The following POU4F2 variants were observed in gnomAD, a reference collection of about 807,000 sequenced individuals.
POU4F2 encodes the protein POU domain, class 4, transcription factor 2.
Under a neutral mutation model 21.5 loss-of-function variants are expected in POU4F2, and 10 were observed. The observed-to-expected ratio is 0.46, with a 90% CI of 0.29 to 0.79. The LOEUF is 0.79. POU4F2 is among the 30% of genes least tolerant of loss of function. The pLI is 0.10. For missense variants in POU4F2, 623 were observed against 603.3 expected, an observed-to-expected ratio of 1.03 and a Z score of -0.34; for synonymous variants, 324 against 271.1, an observed-to-expected ratio of 1.20 and a Z score of -1.92.
At position 146,640,618 on chromosome 4, in the gene POU4F2, G is replaced by C; in HGVS notation, c.1040G>C (p.Arg347Pro). The change falls in exon 2 of 2, where the codon CGC (arginine) becomes CCC (proline). Residue 347 changes from arginine (R) to proline (P), a missense_variant. This residue lies in a region of POU4F2 where 523 missense variants were observed against 504.1 expected (regional missense o/e 1.04). Coordinates refer to ENST00000281321, the MANE Select transcript of POU4F2 (RefSeq NM_004575.3). This position sits in a 1 kb window ranked among gnomAD's most constrained non-coding sequence, Gnocchi z 4.8. Reference protein sequence around the residue: ...PELFNGAEKKRKRTSIAAPEK... With the variant: ...PELFNGAEKKPKRTSIAAPEK... ...CTCTTCAATGGCGCGGAGAAGAAGCGCAAGCGCACGTCCATCGCTGCGCCA... is the reference window on the plus strand; with the variant it reads ...CTCTTCAATGGCGCGGAGAAGAAGCCCAAGCGCACGTCCATCGCTGCGCCA... 2 of 1,614,218 alleles carry C rather than the reference G, an allele frequency of 1.2e-6. No individual in the cohort carries two copies. Among genetic ancestry groups the C allele is most frequent in the Non-Finnish European group, 1.7e-6 (2 of 1,180,022 alleles).
chr4:146,641,010 T>G lies in POU4F2; in HGVS notation c.*202T>G. ...TGAAACAGTTTCTCAAAGGAAAGAA[T>G]AACAAAAGATGGTATTTGTCTGTTG... is the stretch of plus-strand genomic sequence containing the variant. On this transcript the variant is annotated 3_prime_UTR_variant, in exon 2 of 2. Transcript: ENST00000281321. 1 of 559,520 alleles carries G rather than the reference T, an allele frequency of 1.8e-6. No individual in the cohort carries two copies. The highest frequency in any genetic ancestry group is 2.9e-6 in the Non-Finnish European group (1 of 339,460). The allele number at this position is 559,520 out of a possible 1,614,324, so 34.7% of individuals were successfully genotyped here. A position where few individuals can be genotyped will look rare whatever the true frequency, so the allele number is the denominator to read the frequency against.
chr4:146,640,745 G>T lies in POU4F2; in HGVS notation c.1167G>T (p.Val389=). The part of the protein sequence containing the change: ...AEKLDLKKNV[V]RVWFCNQRQK... ...AGCTGGACCTGAAGAAAAACGTGGT[G>T]CGCGTCTGGTTCTGCAACCAGAGGC... The change falls in exon 2 of 2, where the codon GTG becomes GTT. Residue 389 remains valine (V), a synonymous_variant. Transcript: ENST00000281321. This position sits in a 1 kb window ranked among gnomAD's most constrained non-coding sequence, Gnocchi z 4.8. 1 of 1,613,678 alleles carries T rather than the reference G, an allele frequency of 6.2e-7. No homozygotes were observed.
rs1428860674 is a variant in POU4F2, at chr4:146,640,817, T to C, written c.*9T>C. 1.3e-6 allele frequency: 2 copies of C among 1,587,774 alleles called. No individual in the cohort carries two copies. Among genetic ancestry groups the C allele is most frequent in the African/African-American group, 2.7e-5 (2 of 73,716 alleles). On this transcript the variant is annotated 3_prime_UTR_variant, in exon 2 of 2. Coordinates refer to ENST00000281321, the MANE Select transcript of POU4F2 (RefSeq NM_004575.3). The surrounding 1 kb of genome is among the most constrained non-coding windows in gnomAD (Gnocchi z 4.8). ...ATTCCGCCGGCATTTAGAAGACTCT[T>C]GGCCTCTCCAGAGACGCCCCTTTCC...
chr4:146,640,106 T>TCAC lies in POU4F2; in HGVS notation c.546_548dup (p.His182dup), dbSNP rs746997301. The TCAC allele has an allele frequency of 5.5e-5, 88 of 1,599,240 alleles. No individual in the cohort carries two copies. The highest frequency in any genetic ancestry group is 2.4e-4 in the African/African-American group (18 of 74,800). On this transcript the variant is annotated inframe_insertion, in exon 2 of 2. Coordinates refer to ENST00000281321, the MANE Select transcript of POU4F2 (RefSeq NM_004575.3). The surrounding 1 kb of genome is among the most constrained non-coding windows in gnomAD (Gnocchi z 4.8). ...CGGGCACGCACCACCACCACCACCA[T>TCAC]CACCACCACCACCACCACCAACCGC...
In POU4F2 at chr4:146,641,008, A is replaced by T; in HGVS notation, c.*200A>T. 2 of 570,374 alleles carry T rather than the reference A, an allele frequency of 3.5e-6. No homozygotes were observed. The highest frequency in any genetic ancestry group is 7.5e-5 in the Admixed American group (2 of 26,532). 35.3% of individuals were successfully genotyped at this position (570,374 alleles called of 1,614,324 possible). A position where few individuals can be genotyped will look rare whatever the true frequency, so the allele number is the denominator to read the frequency against. ...TGTGAAACAGTTTCTCAAAGGAAAG[A>T]ATAACAAAAGATGGTATTTGTCTGT... On this transcript the variant is annotated 3_prime_UTR_variant, in exon 2 of 2. Transcript: ENST00000281321.
At position 146,640,293 on chromosome 4, in the gene POU4F2, C is replaced by T; in HGVS notation, c.715C>T (p.His239Tyr). 1.3e-6 allele frequency: 2 copies of T among 1,563,236 alleles called. No individual in the cohort carries two copies. Among genetic ancestry groups the T allele is most frequent in the South Asian group, 1.2e-5 (1 of 82,992 alleles). The change falls in exon 2 of 2, where the codon CAC (histidine) becomes TAC (tyrosine). Residue 239 changes from histidine to tyrosine, a missense_variant. His to Tyr is a moderately conservative substitution (Grantham distance 83). Transcript: ENST00000281321. The surrounding 1 kb of genome is among the most constrained non-coding windows in gnomAD (Gnocchi z 4.8). ...HQAALSMAHAHGLPSHMGCMS... is the reference protein window; with the variant it reads ...HQAALSMAHAYGLPSHMGCMS... ...AGCAGCGCTCAGCATGGCCCACGCG[C>T]ACGGGCTGCCGTCGCACATGGGCTG...
At position 146,639,226 on chromosome 4, in the gene POU4F2, T is replaced by C. The variant is rs978886303; in HGVS notation, c.86T>C (p.Leu29Pro). The C allele has an allele frequency of 1.3e-6, 2 of 1,597,310 alleles. No individual in the cohort carries two copies. Among genetic ancestry groups the C allele is most frequent in the Non-Finnish European group, 8.5e-7 (1 of 1,173,636 alleles). Residue 29 changes from leucine (L) to proline (P), a missense_variant, in exon 1 of 2, where the codon CTG becomes CCG. Leu to Pro is a moderately conservative substitution (Grantham distance 98). Transcript: ENST00000281321. ...SLHVEPKYSA[L>P]HSTSPGSSAP... ...CACGTGGAGCCCAAGTACTCGGCACTGCACAGCACCTCGCCGGGCTCCTCG... is the reference window on the plus strand; with the variant it reads ...CACGTGGAGCCCAAGTACTCGGCACCGCACAGCACCTCGCCGGGCTCCTCG...
In POU4F2 at chr4:146,639,221, G is replaced by A; in HGVS notation, c.81G>A (p.Ser27=). ...GCCTGCACGTGGAGCCCAAGTACTC[G>A]GCACTGCACAGCACCTCGCCGGGCT... ...GGSLHVEPKY[S]ALHSTSPGSS... Residue 27 remains serine (S), a synonymous_variant, in exon 1 of 2, where the codon TCG becomes TCA. Coordinates refer to ENST00000281321, the MANE Select transcript of POU4F2 (RefSeq NM_004575.3). 1 of 1,603,426 alleles carries A rather than the reference G, an allele frequency of 6.2e-7. No individual in the cohort carries two copies. Among genetic ancestry groups the A allele is most frequent in the Non-Finnish European group, 8.5e-7 (1 of 1,176,028 alleles).
rs1340111855 is a variant in POU4F2 at position 146,640,763 on chromosome 4, C to T, written c.1185C>T (p.Asn395=). The part of the protein sequence containing the change: ...KKNVVRVWFC[N]QRQKQKRMKY... ...ACGTGGTGCGCGTCTGGTTCTGCAA[C>T]CAGAGGCAGAAACAGAAAAGAATGA... The change falls in exon 2 of 2, where the codon AAC becomes AAT. Residue 395 remains asparagine (N), a synonymous_variant. Transcript: ENST00000281321. This position sits in a 1 kb window ranked among gnomAD's most constrained non-coding sequence, Gnocchi z 4.8. 1 of 1,612,986 alleles carries T rather than the reference C, an allele frequency of 6.2e-7. No homozygotes were observed. Among genetic ancestry groups the T allele is most frequent in the East Asian group, 2.2e-5 (1 of 44,868 alleles).
At position 146,639,131 on chromosome 4, in the gene POU4F2, G is replaced by C; in HGVS notation, c.-10G>C. ...TGCCTCTACGGACCAGCGCCCCGGC[G>C]GGCGGGAAGATGATGATGATGTCCC... On this transcript the variant is annotated 5_prime_UTR_variant, in exon 1 of 2. Transcript: ENST00000281321. 1.9e-6 allele frequency: 3 copies of C among 1,601,362 alleles called. No homozygotes were observed. The highest frequency in any genetic ancestry group is 3.3e-4 in the Middle Eastern group (2 of 6,016).
At position 146,640,374 on chromosome 4, in the gene POU4F2, A is replaced by C. The variant is rs1435212739; in HGVS notation, c.796A>C (p.Lys266Gln). Residue 266 changes from lysine (K) to glutamine (Q), a missense_variant, in exon 2 of 2, where the codon AAG becomes CAG. Around this residue, in one of 3 missense-constraint regions of POU4F2, gnomAD observed 523 missense variants for 504.1 expected, o/e 1.04. Coordinates refer to ENST00000281321, the MANE Select transcript of POU4F2 (RefSeq NM_004575.3). This position sits in a 1 kb window ranked among gnomAD's most constrained non-coding sequence, Gnocchi z 4.8. Reference sequence around the variant, plus strand: ...CCTGGAGGCATTCGCCGAGCGCTTCAAGCAGCGACGCATCAAGCTGGGGGT... The same window carrying C: ...CCTGGAGGCATTCGCCGAGCGCTTCCAGCAGCGACGCATCAAGCTGGGGGT... Reference protein sequence around the residue: ...RDLEAFAERFKQRRIKLGVTQ... With the variant: ...RDLEAFAERFQQRRIKLGVTQ... The C allele has an allele frequency of 1.2e-6, 2 of 1,602,526 alleles. No homozygotes were observed. The highest frequency in any genetic ancestry group is 1.7e-6 in the Non-Finnish European group (2 of 1,176,574).
chr4:146,639,329 CGGCGGCGGCGGA>C lies in POU4F2; in HGVS notation c.193_204del (p.Gly65_Gly68del). The C allele has an allele frequency of 2.1e-6, 3 of 1,452,632 alleles. No homozygotes were observed. Among genetic ancestry groups the C allele is most frequent in the Middle Eastern group, 1.8e-4 (1 of 5,546 alleles). The allele number at this position is 1,452,632 out of a possible 1,614,324, so 90.0% of individuals were successfully genotyped here. On this transcript the variant is annotated inframe_deletion, in exon 1 of 2. Transcript: ENST00000281321. Reference sequence around the variant, plus strand: ...GTGGCGGCGGCGGCGGCGGCGGCGGCGGCGGCGGCGGAGGCCGAAGCAGCAGCTCCAGCAGCA... The same window carrying C: ...GTGGCGGCGGCGGCGGCGGCGGCGGCGGCCGAAGCAGCAGCTCCAGCAGCA...
In POU4F2 at chr4:146,641,884, T is replaced by G. The variant is rs1172364038; in HGVS notation, c.*1076T>G. On this transcript the variant is annotated 3_prime_UTR_variant, in exon 2 of 2. Transcript: ENST00000281321. ...ACACACACACACACACACACACACC[T>G]CTAACAGAAGGGAAGAAGCAGTTGG... 7.2e-6 allele frequency: 1 copy of G among 139,012 alleles called. No individual in the cohort carries two copies. Among genetic ancestry groups the G allele is most frequent in the South Asian group, 2.3e-4 (1 of 4,350 alleles). The allele number at this position is 139,012 out of a possible 1,614,324, so 8.6% of individuals were successfully genotyped here. A position where few individuals can be genotyped will look rare whatever the true frequency, so the allele number is the denominator to read the frequency against.
chr4:146,640,496 A>T lies in POU4F2; in HGVS notation c.918A>T (p.Thr306=), dbSNP rs763900829. ...QSTICRFESL[T]LSHNNMIALK... ...CCATCTGCAGGTTCGAGTCCCTCAC[A>T]CTGTCCCACAATAATATGATCGCGC... The change falls in exon 2 of 2, where the codon ACA becomes ACT. Residue 306 remains threonine, a synonymous_variant. Coordinates refer to ENST00000281321, the MANE Select transcript of POU4F2 (RefSeq NM_004575.3). The surrounding 1 kb of genome is among the most constrained non-coding windows in gnomAD (Gnocchi z 4.8). 5.5e-5 allele frequency: 88 copies of T among 1,614,004 alleles called. No homozygotes were observed. In the East Asian group the frequency reaches 1.9e-3, roughly 35 times the overall value.
chr4:146,639,476 C>G (rs746206000), intron 1 of POU4F2, 48 bp downstream of exon 1: 2 of 1,447,644 alleles, frequency 1.4e-6, no homozygotes, highest in Non-Finnish European at 1.8e-6. Flanking sequence ...TTTGACAGCC[C>G]CCTTTATCTG....
rs982265343 is a variant in POU4F2, at chr4:146,641,840, C to T, written c.*1032C>T. 2.1e-5 allele frequency: 3 copies of T among 145,356 alleles called. No individual in the cohort carries two copies. Among genetic ancestry groups the T allele is most frequent in the South Asian group, 2.3e-4 (1 of 4,426 alleles). 9.0% of individuals were successfully genotyped at this position (145,356 alleles called of 1,614,324 possible). A position where few individuals can be genotyped will look rare whatever the true frequency, so the allele number is the denominator to read the frequency against. On this transcript the variant is annotated 3_prime_UTR_variant, in exon 2 of 2. Transcript: ENST00000281321. ...CCACATTGTCCCCATGACACATGAG[C>T]GCTCTCACTTACCCTTACACACACA...
Position 146,639,383 on chromosome 4 carries a change from C to T in POU4F2, c.243C>T (p.Gly81=), listed in dbSNP as rs752990850. 3.4e-6 allele frequency: 5 copies of T among 1,469,882 alleles called. No homozygotes were observed. Among genetic ancestry groups the T allele is most frequent in the East Asian group, 2.7e-5 (1 of 37,704 alleles). 91.1% of individuals were successfully genotyped at this position (1,469,882 alleles called of 1,614,324 possible). Residue 81 remains glycine (G), a synonymous_variant, in exon 1 of 2, where the codon GGC becomes GGT. Transcript: ENST00000281321. ...SSSSSSGSSG[G]GGSEAMRRAC... is the part of the protein sequence containing the mutation. ...CCAGCAGCAGTGGCAGCAGCGGCGG[C>T]GGGGGCTCGGAGGCTATGCGGAGAG...
At position 146,639,054 on chromosome 4, in the gene POU4F2, C is replaced by T; in HGVS notation, c.-87C>T. Reference sequence around the variant, plus strand: ...TTCGCACAGCCCTTCCCAGCTCCAGCCCCGGCTGGCCCGGCACTTCTCGGA... The same window carrying T: ...TTCGCACAGCCCTTCCCAGCTCCAGTCCCGGCTGGCCCGGCACTTCTCGGA... On this transcript the variant is annotated 5_prime_UTR_variant, in exon 1 of 2. Coordinates refer to ENST00000281321, the MANE Select transcript of POU4F2 (RefSeq NM_004575.3). The T allele has an allele frequency of 6.6e-7, 1 of 1,518,212 alleles. No individual in the cohort carries two copies. The highest frequency in any genetic ancestry group is 1.3e-5 in the South Asian group (1 of 79,158). 94.0% of individuals were successfully genotyped at this position (1,518,212 alleles called of 1,614,324 possible).
rs568422472 is a variant in POU4F2 at position 146,639,058 on chromosome 4, G to A, written c.-83G>A. 1.3e-5 allele frequency: 20 copies of A among 1,518,598 alleles called. No individual in the cohort carries two copies. In the Admixed American group the frequency reaches 3.6e-4, roughly 27 times the overall value. The allele number at this position is 1,518,598 out of a possible 1,614,324, so 94.1% of individuals were successfully genotyped here. On this transcript the variant is annotated 5_prime_UTR_variant, in exon 1 of 2. Transcript: ENST00000281321. ...CACAGCCCTTCCCAGCTCCAGCCCC[G>A]GCTGGCCCGGCACTTCTCGGAGGGT...
Sources: gnomAD v4.1 joint callset for allele counts on GRCh38, gnomAD v4.1.1 for gene constraint, gnomAD v4.1.1 regional missense constraint, Gnocchi (gnomAD v3.1) non-coding constraint, MANE v1.5 for transcripts, NCBI Gene and HGNC (gene_info 2026-07-23, HGNC 2026-07-21) for gene names.